ENOX1: variants seen among roughly 807,000 people sequenced by gnomAD.
The protein encoded by ENOX1 is candidate growth-related and time keeping constitutive hydroquinone (NADH) oxidase.
Under a neutral mutation model 82.5 loss-of-function variants are expected in ENOX1, and 42 were observed. That is an observed-to-expected ratio of 0.51 (90% CI 0.40 to 0.66). The LOEUF (loss-of-function observed/expected upper bound fraction) is 0.66. ENOX1 is among the 30% of genes least tolerant of loss of function. The pLI is 0.00. For synonymous variants in ENOX1, 271 were observed against 282.2 expected, an observed-to-expected ratio of 0.96 and a Z score of 0.40; for missense variants, 608 against 811.6, an observed-to-expected ratio of 0.75 and a Z score of 3.05.
intron 5 of ENOX1, among the ~76,000 whole-genome samples, chr13:43,392,301 G>A (rs2052832879): frequency 6.6e-6 from 1 of 152,150 alleles, no homozygotes; most frequent in African/African-American, 2.4e-5. Flanking sequence ...CTCCATGACA[G>A]CAGGAATAAC....
intron 14 of ENOX1, among the ~76,000 whole-genome samples, chr13:43,247,621 T>C (rs887834668): frequency 6.6e-6 from 1 of 151,052 alleles, no homozygotes; most frequent in African/African-American, 2.4e-5. Context: ...CATTTGGTTA[T>C]ATCTACCGTG....
At chr13:43,716,431 T>G (rs2088138335) in intron 1 of ENOX1, among the ~76,000 whole-genome samples, 1 of 152,156 alleles carries the variant, frequency 6.6e-6, no homozygotes, top group South Asian at 2.1e-4. Context: ...TGCTGGGAGC[T>G]GTAGACCGGA....
chr13:43,701,977 G>A (rs183461907), intron 1 of ENOX1, among the ~76,000 whole-genome samples: 1 of 152,034 alleles, frequency 6.6e-6, no homozygotes, highest in Non-Finnish European at 1.5e-5. Context: ...AACCCCACCA[G>A]GGAACACCCT....
chr13:43,319,326 C>A (rs1437437706), intron 11 of ENOX1, among the ~76,000 whole-genome samples: 1 of 152,060 alleles, frequency 6.6e-6, no homozygotes, highest in Non-Finnish European at 1.5e-5. Flanking sequence ...GTGAACACCC[C>A]ACCCAGAATT....
chr13:43,605,720 G>A (rs1346006785), intron 2 of ENOX1, among the ~76,000 whole-genome samples: 2 of 152,060 alleles, frequency 1.3e-5, no homozygotes, highest in African/African-American at 2.4e-5. Context: ...AAAACACTGG[G>A]GAAATTCTTC....
intron 5 of ENOX1, among the ~76,000 whole-genome samples, chr13:43,375,287 AGTGTCTATGTAT>A (rs2051544066): frequency 6.6e-6 from 1 of 152,064 alleles, no homozygotes; most frequent in Non-Finnish European, 1.5e-5. Flanking sequence ...AGAGAGAGAT[AGTGTCTATGTAT>A]GTGTCTATCC....
At chr13:43,530,339 A>G (rs2078157916) in intron 2 of ENOX1, among the ~76,000 whole-genome samples, 2 of 152,122 alleles carry the variant, frequency 1.3e-5, no homozygotes. Flanking sequence ...CTTCCATCCA[A>G]TTATTTCCTA....
chr13:43,267,301 A>T (rs2044436169), intron 13 of ENOX1, among the ~76,000 whole-genome samples: 2 of 152,216 alleles, frequency 1.3e-5, no homozygotes, highest in South Asian at 4.1e-4. Context: ...TCCTCATTGT[A>T]AATGAGATGA....
chr13:43,621,489 T>G (rs2153746140), intron 2 of ENOX1, among the ~76,000 whole-genome samples: 1 of 152,332 alleles, frequency 6.6e-6, no homozygotes, highest in Non-Finnish European at 1.5e-5. Context: ...TGAAAAAGAC[T>G]GTATCTTTCC....
intron 14 of ENOX1, among the ~76,000 whole-genome samples, chr13:43,263,759 GC>G (rs2044214604): frequency 6.6e-6 from 1 of 152,226 alleles, no homozygotes. Flanking sequence ...GAGGCCTACT[GC>G]CACTTTGTCT....
At chr13:43,428,364 G>A (rs2055452981) in intron 3 of ENOX1, among the ~76,000 whole-genome samples, 1 of 152,132 alleles carries the variant, frequency 6.6e-6, no homozygotes, top group South Asian at 2.1e-4. Flanking sequence ...GCAAACTGAT[G>A]GTTTAAGCTG....
intron 9 of ENOX1, among the ~76,000 whole-genome samples, chr13:43,341,709 GA>G (rs2049073094): frequency 6.6e-6 from 1 of 152,176 alleles, no homozygotes; most frequent in African/African-American, 2.4e-5. Flanking sequence ...AGTAGAAAGG[GA>G]AGCACTCTGT....
intron 11 of ENOX1, among the ~76,000 whole-genome samples, chr13:43,308,130 A>G (rs918391915): frequency 7.6e-6 from 1 of 131,948 alleles, no homozygotes; most frequent in Non-Finnish European, 1.6e-5. Flanking sequence ...ATCACCACTC[A>G]TATCAGGCCA....
chr13:43,659,306 T>G (rs977129284), intron 2 of ENOX1, among the ~76,000 whole-genome samples: 25 of 152,058 alleles, frequency 1.6e-4, no homozygotes, highest in Non-Finnish European at 3.5e-4. Context: ...CTGGCCAACA[T>G]GGTGAAACCC....
intron 2 of ENOX1, among the ~76,000 whole-genome samples, chr13:43,507,199 A>T (rs1027707468): frequency 8.6e-5 from 13 of 151,938 alleles, no homozygotes; most frequent in Non-Finnish European, 1.3e-4. Flanking sequence ...AAGGATATAG[A>T]GAATCCAACC....
chr13:43,586,535 C>T (rs976064125), intron 2 of ENOX1, among the ~76,000 whole-genome samples: 3 of 152,176 alleles, frequency 2.0e-5, no homozygotes, highest in Admixed American at 6.5e-5. Flanking sequence ...AGGGCTGGGA[C>T]CTCTCTTCAT....
chr13:43,721,136 A>G (rs1489872812), intron 1 of ENOX1, among the ~76,000 whole-genome samples: 3 of 152,200 alleles, frequency 2.0e-5, no homozygotes, highest in African/African-American at 7.2e-5. Flanking sequence ...AGTTTTGTGC[A>G]GTGTTTCCAC....
intron 1 of ENOX1, among the ~76,000 whole-genome samples, chr13:43,760,860 G>GA (rs386378983): frequency 0.025 from 3,172 of 127,266 alleles, 75 homozygotes; most frequent in African/African-American, 0.064. Flanking sequence ...CATTAAAGTG[G>GA]AAAAAAAAAA....
At chr13:43,230,594 C>T (rs553483767) in intron 15 of ENOX1, among the ~76,000 whole-genome samples, 1 of 152,204 alleles carries the variant, frequency 6.6e-6, no homozygotes, top group South Asian at 2.1e-4. Flanking sequence ...TCTAATCAAA[C>T]TTCCTAATTT....
Sources: gnomAD v4.1 joint callset for allele counts (sites outside exome capture counted in the v4.1 genomes callset) on GRCh38, gnomAD v4.1.1 for gene constraint, MANE v1.5 for transcripts, NCBI Gene and HGNC (gene_info 2026-07-23, HGNC 2026-07-21) for gene names.